The following LRRC8B variants were observed in gnomAD, a reference collection of about 807,000 sequenced individuals.
LRRC8B encodes the protein volume-regulated anion channel subunit LRRC8B.
Under a neutral mutation model 58.8 loss-of-function variants are expected in LRRC8B, and 23 were observed. The ratio of observed to expected loss-of-function variants is 0.39; its 90% CI spans 0.28 to 0.55. LRRC8B has a LOEUF of 0.55. Among genes scored for constraint, LRRC8B ranks in the 20% least tolerant of loss-of-function variants. The pLI, the probability that LRRC8B is intolerant of heterozygous loss-of-function variation, is 0.62. For synonymous variants in LRRC8B, 359 were observed against 374.1 expected (o/e 0.96, Z 0.47); for missense variants, 694 against 936.0 (o/e 0.74, Z 3.37).
chr1:89,583,824 A>G lies in LRRC8B; in HGVS notation c.1174A>G (p.Ser392Gly). Residue 392 changes from serine to glycine, a missense_variant, in exon 5 of 6, where the codon AGT (serine) becomes GGT (glycine). By Grantham distance (56) the Ser-to-Gly change is moderately conservative. Around this residue, in one of 5 missense-constraint regions of LRRC8B, gnomAD observed 162 missense variants for 198.5 expected, o/e 0.82. Coordinates refer to ENST00000330947, the MANE Select transcript of LRRC8B (RefSeq NM_001369817.2). The surrounding 1 kb of genome is among the most constrained non-coding windows in gnomAD (Gnocchi z 5.2). ...KRFSIFLSEV[S>G]ENKLKQINLN... is the part of the protein sequence containing the mutation. ...CTTCTCCATATTCCTATCAGAGGTC[A>G]GTGAGAACAAACTGAAACAGATCAA... is the stretch of plus-strand genomic sequence containing the variant. 1 of 1,614,226 alleles carries G rather than the reference A, an allele frequency of 6.2e-7. No homozygotes were observed. Among genetic ancestry groups the G allele is most frequent in the Non-Finnish European group, 8.5e-7 (1 of 1,180,028 alleles).
At chr1:89,584,826 C>A in intron 5 of LRRC8B, 37 bp downstream of exon 5, 1 of 1,405,536 alleles carries the variant, frequency 7.1e-7, no homozygotes, top group Non-Finnish European at 9.8e-7. Flanking sequence ...TCAGTATCTG[C>A]CGTACTTATA....
At chr1:89,590,192 G>A (rs1319690578) in intron 5 of LRRC8B, among the ~76,000 whole-genome samples, 1 of 152,016 alleles carries the variant, frequency 6.6e-6, no homozygotes, top group African/African-American at 2.4e-5. Flanking sequence ...CTAAGAAAGG[G>A]CATGCTAAAT....
intron 5 of LRRC8B, among the ~76,000 whole-genome samples, chr1:89,587,081 A>T (rs1299106174): frequency 2.6e-5 from 4 of 152,194 alleles, no homozygotes; most frequent in Non-Finnish European, 5.9e-5. Flanking sequence ...TAGGACCATC[A>T]GGGGAAGATT....
At position 89,583,300 on chromosome 1, in the gene LRRC8B, G is replaced by A; in HGVS notation, c.650G>A (p.Gly217Asp). The change falls in exon 5 of 6, where the codon GGC becomes GAC. Residue 217 changes from glycine (G) to aspartate (D), a missense_variant. Gly to Asp is a moderately conservative substitution (Grantham distance 94). Coordinates refer to ENST00000330947, the MANE Select transcript of LRRC8B (RefSeq NM_001369817.2). This position sits in a 1 kb window ranked among gnomAD's most constrained non-coding sequence, Gnocchi z 5.2. ...PYPQPGLESA[G>D]IESPTSSVLD... is the part of the protein sequence containing the mutation. Reference sequence around the variant, plus strand: ...CCACAGCCAGGTTTGGAGTCAGCTGGCATAGAAAGCCCAACTTCCAGTGTC... The same window carrying A: ...CCACAGCCAGGTTTGGAGTCAGCTGACATAGAAAGCCCAACTTCCAGTGTC... 2 of 1,614,204 alleles carry A rather than the reference G, an allele frequency of 1.2e-6. No individual in the cohort carries two copies. Among genetic ancestry groups the A allele is most frequent in the Non-Finnish European group, 1.7e-6 (2 of 1,180,036 alleles).
intron 3 of LRRC8B, among the ~76,000 whole-genome samples, chr1:89,577,604 A>G (rs1653944423): frequency 6.6e-6 from 1 of 152,234 alleles, no homozygotes; most frequent in South Asian, 2.1e-4. Flanking sequence ...AGCTATGCTT[A>G]AACTCTCTAG....
chr1:89,582,253 A>G (rs929936783), intron 4 of LRRC8B, among the ~76,000 whole-genome samples: 1 of 152,156 alleles, frequency 6.6e-6, no homozygotes, highest in African/African-American at 2.4e-5. Flanking sequence ...AAAGAAAAAA[A>G]TATTAGTAGC....
chr1:89,565,523 A>G (rs1652981180), intron 1 of LRRC8B, among the ~76,000 whole-genome samples: 1 of 152,096 alleles, frequency 6.6e-6, no homozygotes, highest in South Asian at 2.1e-4. Context: ...TCTGCTTCTG[A>G]ATTTCTGCCC....
At chr1:89,564,308 G>A (rs1012458961) in intron 1 of LRRC8B, among the ~76,000 whole-genome samples, 2 of 152,142 alleles carry the variant, frequency 1.3e-5, no homozygotes, top group Non-Finnish European at 2.9e-5. Context: ...AATGAGCTAG[G>A]AAAACAAAAT....
intron 1 of LRRC8B, among the ~76,000 whole-genome samples, chr1:89,537,951 G>T: frequency 6.6e-6 from 1 of 152,194 alleles, no homozygotes; most frequent in East Asian, 1.9e-4. Flanking sequence ...AATGTTTGTT[G>T]TTTATTAGCC....
Position 89,594,167 on chromosome 1 carries a change from G to A in LRRC8B, c.*1124G>A, listed in dbSNP as rs536186050. 18 of 152,078 alleles carry A rather than the reference G, an allele frequency of 1.2e-4. No individual in the cohort carries two copies. In the South Asian group the frequency reaches 3.7e-3, roughly 32 times the overall value. The allele number at this position is 152,078 out of a possible 1,614,324, so 9.4% of individuals were successfully genotyped here. A position where few individuals can be genotyped will look rare whatever the true frequency, so the allele number is the denominator to read the frequency against. On this transcript the variant is annotated 3_prime_UTR_variant, in exon 6 of 6. Coordinates refer to ENST00000330947, the MANE Select transcript of LRRC8B (RefSeq NM_001369817.2). ...TTCAACATCTGTGAGGATCATTTTT[G>A]TAAGATACATAGAATTTGTGCATTT... is the stretch of plus-strand genomic sequence containing the variant.
At chr1:89,562,404 A>G (rs1175788360) in intron 1 of LRRC8B, among the ~76,000 whole-genome samples, 1 of 152,116 alleles carries the variant, frequency 6.6e-6, no homozygotes, top group Non-Finnish European at 1.5e-5. Flanking sequence ...AAAATCTCCC[A>G]TATTCAGTTA....
intron 1 of LRRC8B, among the ~76,000 whole-genome samples, chr1:89,543,425 A>G (rs1451401786): frequency 6.6e-6 from 1 of 152,064 alleles, no homozygotes; most frequent in Non-Finnish European, 1.5e-5. Context: ...AGTGAGTGGT[A>G]GTTTTCTTAT....
At chr1:89,574,575 A>G (rs948163680) in intron 3 of LRRC8B, among the ~76,000 whole-genome samples, 2 of 152,028 alleles carry the variant, frequency 1.3e-5, no homozygotes, top group Admixed American at 6.6e-5. Flanking sequence ...GCTCTGAGTG[A>G]CCCCTTTAAC....
At chr1:89,573,991 G>A (rs1394755050) in intron 3 of LRRC8B, among the ~76,000 whole-genome samples, 1 of 152,218 alleles carries the variant, frequency 6.6e-6, no homozygotes, top group East Asian at 1.9e-4. Flanking sequence ...CCAAGGCTGG[G>A]CCTTAAGAGA....
At position 89,597,522 on chromosome 1, in the gene LRRC8B, A is replaced by G. The variant is rs1424118984; in HGVS notation, c.*4479A>G. On this transcript the variant is annotated 3_prime_UTR_variant, in exon 6 of 6. Coordinates refer to ENST00000330947, the MANE Select transcript of LRRC8B (RefSeq NM_001369817.2). ...ATGTTTACAAGAAGATTTTTTTTAA[A>G]TTCTTCAAATACTTCACTTAGTGAA... 1 of 152,200 alleles carries G rather than the reference A, an allele frequency of 6.6e-6. No individual in the cohort carries two copies. Among genetic ancestry groups the G allele is most frequent in the Admixed American group, 6.5e-5 (1 of 15,278 alleles). 9.4% of individuals were successfully genotyped at this position (152,200 alleles called of 1,614,324 possible).
Position 89,584,197 on chromosome 1 carries a change from A to G in LRRC8B, c.1547A>G (p.Tyr516Cys). The change falls in exon 5 of 6, where the codon TAT (tyrosine) becomes TGT (cysteine). Residue 516 changes from tyrosine to cysteine, a missense_variant. Tyr to Cys is a radical substitution (Grantham distance 194). Transcript: ENST00000330947. ...VFHLKNLKEL[Y>C]LSGCVLPEQL... ...CACCTCAAGAATCTCAAGGAACTTT[A>G]TCTTTCGGGCTGTGTTCTCCCTGAA... The G allele has an allele frequency of 6.2e-7, 1 of 1,611,458 alleles. No individual in the cohort carries two copies. Among genetic ancestry groups the G allele is most frequent in the East Asian group, 2.2e-5 (1 of 44,880 alleles).
intron 1 of LRRC8B, among the ~76,000 whole-genome samples, chr1:89,538,494 A>G (rs530582840): frequency 6.5e-4 from 99 of 152,290 alleles, no homozygotes; most frequent in African/African-American, 2.3e-3. Flanking sequence ...TCCTTTGGGG[A>G]CATTTTATAC....
Position 89,526,396 on chromosome 1 carries a change from G to A in LRRC8B, c.-241+1374G>A, listed in dbSNP as rs528763187. 2.0e-3 allele frequency among the ~76,000 whole-genome samples: 305 copies of A among 152,230 alleles called. 1 individual carries two copies. The highest frequency in any genetic ancestry group is 2.3e-3 in the African/African-American group (97 of 41,518). On this transcript the variant is annotated intron_variant, in intron 1 of 5. Transcript: ENST00000330947. ...CGCCCAGCTAATTTTTATATTTTTAGTGGTGGCGGGGTTTCACCATGTTGG... is the reference window on the plus strand; with the variant it reads ...CGCCCAGCTAATTTTTATATTTTTAATGGTGGCGGGGTTTCACCATGTTGG...
intron 5 of LRRC8B, among the ~76,000 whole-genome samples, chr1:89,587,600 T>C (rs1205743762): frequency 2.0e-5 from 3 of 152,088 alleles, no homozygotes; most frequent in Non-Finnish European, 1.5e-5. Flanking sequence ...ACAAAGAAAT[T>C]CAAGCCAATT....
Sources: allele counts gnomAD v4.1 joint callset (sites outside exome capture counted in the v4.1 genomes callset), GRCh38; gene constraint gnomAD v4.1.1; regional missense constraint gnomAD v4.1.1; non-coding constraint Gnocchi (gnomAD v3.1); transcripts MANE v1.5; gene names NCBI Gene and HGNC (gene_info 2026-07-23, HGNC 2026-07-21).